SPECC1L: variants seen among roughly 807,000 people sequenced by gnomAD.
SPECC1L encodes the protein cytospin-A.
Under a neutral mutation model 116.8 loss-of-function variants are expected in SPECC1L, and 40 were observed. That is an observed-to-expected ratio of 0.34 (90% confidence interval 0.27 to 0.45). The LOEUF is 0.45. SPECC1L is among the 20% of genes least tolerant of loss of function. The pLI, the probability that SPECC1L is intolerant of heterozygous loss-of-function variation, is 1.00. For missense variants in SPECC1L, 1,110 were observed against 1,373.6 expected (o/e 0.81, Z 3.03); for synonymous variants, 504 against 500.6 (o/e 1.01, Z -0.09).
intron 16 of SPECC1L, 81 bp downstream of exon 16, chr22:24,412,788 C>T (rs552651347): frequency 4.5e-5 from 67 of 1,485,098 alleles, no homozygotes; most frequent in Admixed American, 1.0e-4. Flanking sequence ...GCTGAATCCT[C>T]GTGGGCATGG....
chr22:24,288,615 C>CTTTTTTTTTTTT (rs756714389), intron 2 of SPECC1L, among the ~76,000 whole-genome samples: 10 of 61,676 alleles, frequency 1.6e-4, no homozygotes, highest in East Asian at 1.3e-3. Context: ...AAATTTTAAG[C>CTTTTTTTTTTTT]TTTTTTTTTT....
rs1023821159 is a variant in SPECC1L at position 24,396,799 on chromosome 22, C to G, written c.3088-14789C>G. 9.2e-5 allele frequency among the ~76,000 whole-genome samples: 14 copies of G among 152,292 alleles called. No individual in the cohort carries two copies. In the East Asian group the frequency reaches 2.3e-3, roughly 25 times the overall value. On this transcript the variant is annotated intron_variant, in intron 14 of 16. Transcript: ENST00000314328. Reference sequence around the variant, plus strand: ...GTGTCCCTCCATAGGGTCCTCAACACTCTTTATCTGGCTGTACCCTACCCT... The same window carrying G: ...GTGTCCCTCCATAGGGTCCTCAACAGTCTTTATCTGGCTGTACCCTACCCT...
intron 14 of SPECC1L, among the ~76,000 whole-genome samples, chr22:24,386,148 TAACA>T (rs2042156864): frequency 6.6e-6 from 1 of 151,270 alleles, no homozygotes; most frequent in Non-Finnish European, 1.5e-5. Flanking sequence ...AACAAATTTC[TAACA>T]AACTGGGAAT....
chr22:24,399,031 C>G (rs956512465), intron 14 of SPECC1L, among the ~76,000 whole-genome samples: 1 of 152,240 alleles, frequency 6.6e-6, no homozygotes, highest in African/African-American at 2.4e-5. Context: ...AAACTGCTCA[C>G]AACATGCTCA....
intron 14 of SPECC1L, among the ~76,000 whole-genome samples, chr22:24,397,257 C>G (rs1013203616): frequency 1.3e-5 from 2 of 152,082 alleles, no homozygotes; most frequent in Non-Finnish European, 2.9e-5. Context: ...CTTCTGTAAG[C>G]AATAAAATAA....
At chr22:24,309,153 G>A (rs28812226) in intron 3 of SPECC1L, among the ~76,000 whole-genome samples, 7 of 144,428 alleles carry the variant, frequency 4.8e-5, no homozygotes, top group African/African-American at 9.8e-5. Flanking sequence ...ACACACACAC[G>A]CACATATCTA....
intron 2 of SPECC1L, among the ~76,000 whole-genome samples, chr22:24,277,969 C>A (rs1027547050): frequency 7.2e-5 from 11 of 152,228 alleles, no homozygotes; most frequent in African/African-American, 2.2e-4. Flanking sequence ...CTATAATGTT[C>A]TCCAGAGCTG....
At chr22:24,275,520 C>A (rs1042601924) in intron 1 of SPECC1L, among the ~76,000 whole-genome samples, 11 of 150,478 alleles carry the variant, frequency 7.3e-5, no homozygotes, top group African/African-American at 2.7e-4. Flanking sequence ...TGACACAGAT[C>A]ACTTCCCTTT....
intron 2 of SPECC1L, 85 bp from the exon 3 acceptor site, chr22:24,302,110 C>A: frequency 9.3e-7 from 1 of 1,075,866 alleles, no homozygotes; most frequent in Non-Finnish European, 1.4e-6. Context: ...ACAGTTTTAT[C>A]ACATGGTAAA....
At chr22:24,337,258 A>G (rs960919949) in intron 9 of SPECC1L, among the ~76,000 whole-genome samples, 4 of 152,236 alleles carry the variant, frequency 2.6e-5, no homozygotes, top group African/African-American at 9.6e-5. Context: ...CAGCCACAAG[A>G]AGGAATGAAG....
At chr22:24,396,991 T>G (rs1192155193) in intron 14 of SPECC1L, among the ~76,000 whole-genome samples, 3 of 152,214 alleles carry the variant, frequency 2.0e-5, no homozygotes, top group Non-Finnish European at 2.9e-5. Context: ...TGTCGTCACT[T>G]TCTTCCAGTG....
At chr22:24,276,500 G>T (rs1030006574) in intron 1 of SPECC1L, among the ~76,000 whole-genome samples, 200 bp from the exon 2 acceptor site, 1 of 152,212 alleles carries the variant, frequency 6.6e-6, no homozygotes. Context: ...GGACCCAGTG[G>T]TGCGCACCTG....
rs557182489 is a variant in SPECC1L, at chr22:24,302,583, G to A, written c.153+199G>A. ...CTTTTTGAATGAAACCAGACAATAGGCTTGTTCATGAAACAATAATTGAGC... is the reference window on the plus strand; with the variant it reads ...CTTTTTGAATGAAACCAGACAATAGACTTGTTCATGAAACAATAATTGAGC... On this transcript the variant is annotated intron_variant, in intron 3 of 16. Transcript: ENST00000314328. 1.8e-4 allele frequency among the ~76,000 whole-genome samples: 27 copies of A among 152,296 alleles called. No homozygotes were observed. The South Asian group carries it at 5.0e-3, about 28-fold the overall frequency.
chr22:24,330,155 A>G (rs2040910592), intron 7 of SPECC1L, 101 bp from the exon 8 acceptor site: 6 of 1,161,634 alleles, frequency 5.2e-6, no homozygotes, highest in Middle Eastern at 2.6e-4. Flanking sequence ...ATTTGGAAGC[A>G]TTAGTGCATT....
intron 1 of SPECC1L, among the ~76,000 whole-genome samples, chr22:24,274,031 T>C (rs2048783608): frequency 6.6e-6 from 1 of 152,220 alleles, no homozygotes; most frequent in African/African-American, 2.4e-5. Flanking sequence ...GTGCTGAGAT[T>C]ACAGGCACTA....
At chr22:24,336,772 T>G (rs2041068570) in intron 9 of SPECC1L, among the ~76,000 whole-genome samples, 1 of 152,190 alleles carries the variant, frequency 6.6e-6, no homozygotes, top group African/African-American at 2.4e-5. Flanking sequence ...GCAATTCTAC[T>G]CCTAATTATA....
intron 5 of SPECC1L, 53 bp from the exon 6 acceptor site, chr22:24,324,167 T>C: frequency 2.0e-6 from 3 of 1,480,864 alleles, no homozygotes; most frequent in Non-Finnish European, 2.8e-6. Flanking sequence ...TTCTGGAACG[T>C]ACCTTAGAAC....
chr22:24,383,479 A>G (rs1423750497), intron 14 of SPECC1L, among the ~76,000 whole-genome samples: 3 of 152,210 alleles, frequency 2.0e-5, no homozygotes, highest in African/African-American at 7.2e-5. Context: ...ATCAAGAGAA[A>G]GAATGAGTAA....
At chr22:24,414,238 G>A (rs1054171188) in intron 16 of SPECC1L, among the ~76,000 whole-genome samples, 3 of 152,270 alleles carry the variant, frequency 2.0e-5, no homozygotes, top group South Asian at 2.1e-4. Context: ...AGGCAGGCGC[G>A]GGGAGGAGGG....
Sources: gnomAD v4.1 joint callset for allele counts (sites outside exome capture counted in the v4.1 genomes callset) on GRCh38, gnomAD v4.1.1 for gene constraint, MANE v1.5 for transcripts, NCBI Gene and HGNC (gene_info 2026-07-23, HGNC 2026-07-21) for gene names.